The following ADGRB3 variants were observed in gnomAD, a reference collection of about 807,000 sequenced individuals.
ADGRB3 encodes the protein adhesion G protein-coupled receptor B3.
In ADGRB3, 37 loss-of-function variants were observed where a neutral mutation model predicts 193.4. The observed-to-expected ratio is 0.19, with a 90% confidence interval of 0.15 to 0.25. The LOEUF is 0.25. Among genes scored for constraint, ADGRB3 ranks in the 10% least tolerant of loss-of-function variants. ADGRB3 has a pLI of 1.00. For missense variants in ADGRB3, 1,637 were observed against 1,852.9 expected, an observed-to-expected ratio of 0.88 and a Z score of 2.14; for synonymous variants, 690 against 644.2, an observed-to-expected ratio of 1.07 and a Z score of -1.08.
chr6:68,843,890 G>C (rs1436324627), intron 3 of ADGRB3, among the ~76,000 whole-genome samples: 1 of 151,904 alleles, frequency 6.6e-6, no homozygotes, highest in Admixed American at 6.6e-5. Context: ...TGAAATCCTT[G>C]ATAACACAGC....
chr6:68,639,607 T>A lies in ADGRB3; in HGVS notation c.757+175T>A, dbSNP rs192175141. Among the ~76,000 whole-genome samples, 24 of 152,224 alleles carry A rather than the reference T, an allele frequency of 1.6e-4. No individual in the cohort carries two copies. The East Asian group carries it at 4.6e-3, about 29-fold the overall frequency. ...CTTGAGCTAGTTTTAGGTTTCAAGG[T>A]TTTAGAGAGGGCGGTGAGGACTGGA... On this transcript the variant is annotated intron_variant, in intron 3 of 31. Coordinates refer to ENST00000370598, the MANE Select transcript of ADGRB3 (RefSeq NM_001704.3).
chr6:69,127,997 T>G (rs993556906), intron 17 of ADGRB3, among the ~76,000 whole-genome samples: 24 of 152,058 alleles, frequency 1.6e-4, no homozygotes, highest in African/African-American at 2.9e-4. Context: ...GCCATCTCTC[T>G]CGAGAGAAAA....
At chr6:69,177,615 G>A (rs1002304826) in intron 17 of ADGRB3, among the ~76,000 whole-genome samples, 1 of 152,076 alleles carries the variant, frequency 6.6e-6, no homozygotes, top group African/African-American at 2.4e-5. Context: ...CAAAGTGCTG[G>A]GATTACAGGT....
chr6:69,233,553 C>A (rs1766199633), intron 18 of ADGRB3, 137 bp downstream of exon 18: 2 of 1,108,660 alleles, frequency 1.8e-6, no homozygotes, highest in Non-Finnish European at 2.6e-6. Context: ...TCCTCCTTAG[C>A]TATAGTAGCT....
intron 3 of ADGRB3, among the ~76,000 whole-genome samples, chr6:68,907,689 T>A (rs974625091): frequency 1.3e-5 from 2 of 152,002 alleles, no homozygotes; most frequent in Non-Finnish European, 1.5e-5. Context: ...ACCCTGTTTT[T>A]AGTTGTAAGC....
At chr6:68,867,486 T>C (rs1350254961) in intron 3 of ADGRB3, among the ~76,000 whole-genome samples, 2 of 152,156 alleles carry the variant, frequency 1.3e-5, no homozygotes, top group Admixed American at 1.3e-4. Context: ...ACTAGGGCAA[T>C]GTAGAGAGGA....
intron 3 of ADGRB3, among the ~76,000 whole-genome samples, chr6:68,817,629 T>C (rs1767662949): frequency 1.3e-5 from 2 of 151,730 alleles, no homozygotes; most frequent in East Asian, 3.9e-4. Context: ...GTAAAAGCAG[T>C]CTTGTAATAA....
intron 17 of ADGRB3, among the ~76,000 whole-genome samples, chr6:69,100,654 T>C (rs1773004893): frequency 6.6e-6 from 1 of 151,992 alleles, no homozygotes; most frequent in Non-Finnish European, 1.5e-5. Flanking sequence ...CCTGATACTA[T>C]TCCAATTGCT....
At chr6:68,782,926 A>G (rs1326128432) in intron 3 of ADGRB3, among the ~76,000 whole-genome samples, 1 of 151,962 alleles carries the variant, frequency 6.6e-6, no homozygotes, top group Non-Finnish European at 1.5e-5. Context: ...ACCAAGTGAT[A>G]ACATATGAAA....
intron 17 of ADGRB3, among the ~76,000 whole-genome samples, chr6:69,217,177 C>A (rs765163276): frequency 6.6e-6 from 1 of 151,994 alleles, no homozygotes; most frequent in Admixed American, 6.6e-5. Flanking sequence ...CCAAAAGAGT[C>A]GTAAATAAAG....
chr6:69,123,685 A>G (rs149891744), intron 17 of ADGRB3, among the ~76,000 whole-genome samples: 3 of 152,310 alleles, frequency 2.0e-5, no homozygotes, highest in Non-Finnish European at 2.9e-5. Context: ...GTGACATTTG[A>G]GAGTAGACTT....
intron 17 of ADGRB3, among the ~76,000 whole-genome samples, chr6:69,132,407 G>A (rs1774035847): frequency 6.6e-6 from 1 of 152,068 alleles, no homozygotes; most frequent in South Asian, 2.1e-4. Context: ...ATGTTTGTTG[G>A]CCACATAAAT....
intron 3 of ADGRB3, among the ~76,000 whole-genome samples, chr6:68,858,303 G>A (rs1301951478): frequency 1.3e-5 from 2 of 152,062 alleles, no homozygotes; most frequent in Non-Finnish European, 2.9e-5. Flanking sequence ...AGGAGTTCAA[G>A]ATCAGTCTGG....
chr6:69,164,670 A>G (rs1582511543), intron 17 of ADGRB3, among the ~76,000 whole-genome samples: 3 of 152,118 alleles, frequency 2.0e-5, no homozygotes, highest in African/African-American at 7.2e-5. Flanking sequence ...GGGACAATTA[A>G]GATATTCATT....
intron 3 of ADGRB3, among the ~76,000 whole-genome samples, chr6:68,810,319 CCA>C (rs1366556302): frequency 6.6e-6 from 1 of 152,142 alleles, no homozygotes; most frequent in Non-Finnish European, 1.5e-5. Context: ...GAAACAATCA[CCA>C]CCAACCCCAA....
chr6:69,331,535 G>GCTTGTTCTCCCTCTAAA (rs1768729633), intron 23 of ADGRB3: 1 of 985,086 alleles, frequency 1.0e-6, no homozygotes, highest in South Asian at 4.7e-5. Context: ...CTCCCTTTAA[G>GCTTGTTCTCCCTCTAAA]CTTGTTCTCC....
intron 20 of ADGRB3, among the ~76,000 whole-genome samples, chr6:69,255,005 A>G (rs992414847): frequency 4.6e-5 from 7 of 151,066 alleles, no homozygotes; most frequent in African/African-American, 1.7e-4. Flanking sequence ...ATGATTTCCA[A>G]TTTCATCCAT....
intron 3 of ADGRB3, among the ~76,000 whole-genome samples, chr6:68,682,985 G>A (rs573205329): frequency 6.6e-6 from 1 of 152,084 alleles, no homozygotes; most frequent in Admixed American, 6.5e-5. Context: ...GCCATTCACT[G>A]TGTTGGCGAG....
chr6:68,913,731 G>A (rs1425956092), intron 3 of ADGRB3, among the ~76,000 whole-genome samples: 3 of 152,122 alleles, frequency 2.0e-5, no homozygotes, highest in African/African-American at 7.2e-5. Flanking sequence ...GGCTTCAGAC[G>A]ATCAAACTAC....
Sources: allele counts gnomAD v4.1 joint callset (sites outside exome capture counted in the v4.1 genomes callset), GRCh38; gene constraint gnomAD v4.1.1; transcripts MANE v1.5; gene names NCBI Gene and HGNC (gene_info 2026-07-23, HGNC 2026-07-21).